SMAD6: variants seen among roughly 807,000 people sequenced by gnomAD.
SMAD6 encodes SMAD family member 6.
In SMAD6, 103 loss-of-function variants were observed where a neutral mutation model predicts 39.4. The observed-to-expected ratio is 2.62, with a 90% CI of 2.23 to 3.08. SMAD6 has a LOEUF of 3.08. SMAD6 is among the 30% of genes most tolerant of loss of function. The pLI is 0.00. For missense variants in SMAD6, 1,104 were observed against 742.9 expected (o/e 1.49, Z -5.65); for synonymous variants, 445 against 353.3 (o/e 1.26, Z -2.91).
At chr15:66,744,671 A>G (rs1893877216) in intron 3 of SMAD6, among the ~76,000 whole-genome samples, 1 of 152,224 alleles carries the variant, frequency 6.6e-6, no homozygotes, top group African/African-American at 2.4e-5. Flanking sequence ...GTGTTGTCAT[A>G]AATACTTGGC....
Position 66,703,271 on chromosome 15 carries a change from A to C in SMAD6, c.13A>C (p.Lys5Gln), listed in dbSNP as rs1333941859. 1.4e-6 allele frequency: 2 copies of C among 1,481,378 alleles called. No individual in the cohort carries two copies. The highest frequency in any genetic ancestry group is 1.8e-6 in the Non-Finnish European group (2 of 1,115,204). 91.8% of individuals were successfully genotyped at this position (1,481,378 alleles called of 1,614,324 possible). Residue 5 changes from lysine (K) to glutamine (Q), a missense_variant, in exon 1 of 4, where the codon AAA becomes CAA. Coordinates refer to ENST00000288840, the MANE Select transcript of SMAD6 (RefSeq NM_005585.5). MFRS[K>Q]RSGLVRRLWR... ...CAAAGGATATCGTATGTTCAGGTCC[A>C]AACGCTCGGGGCTGGTGCGGCGACT...
intron 1 of SMAD6, among the ~76,000 whole-genome samples, chr15:66,710,005 G>A (rs2140593878): frequency 6.6e-6 from 1 of 152,314 alleles, no homozygotes; most frequent in South Asian, 2.1e-4. Flanking sequence ...GTTCTGTGCA[G>A]GTGGTGTCCC....
intron 3 of SMAD6, among the ~76,000 whole-genome samples, chr15:66,758,536 T>C (rs1380626336): frequency 6.6e-6 from 1 of 152,198 alleles, no homozygotes; most frequent in Non-Finnish European, 1.5e-5. Context: ...GAGACAAGCC[T>C]GACCAACATG....
chr15:66,717,224 G>A, intron 3 of SMAD6: 1 of 981,992 alleles, frequency 1.0e-6, no homozygotes, highest in Non-Finnish European at 1.4e-6. Context: ...ATGGTGGCCT[G>A]GTGGCATGCT....
chr15:66,731,773 T>C (rs1893634404), intron 3 of SMAD6, among the ~76,000 whole-genome samples: 1 of 152,168 alleles, frequency 6.6e-6, no homozygotes, highest in South Asian at 2.1e-4. Context: ...TGGTTGAAAG[T>C]ACATATAACT....
At chr15:66,710,796 A>G (rs1022642069) in intron 1 of SMAD6, among the ~76,000 whole-genome samples, 2 of 144,276 alleles carry the variant, frequency 1.4e-5, no homozygotes, top group African/African-American at 5.1e-5. Context: ...TGAAACCCAA[A>G]GAAAAATATC....
intron 3 of SMAD6, among the ~76,000 whole-genome samples, chr15:66,751,981 A>G (rs1162554077): frequency 6.6e-6 from 1 of 151,110 alleles, no homozygotes; most frequent in Non-Finnish European, 1.5e-5. Context: ...CTGCTATGTA[A>G]GGTATGTTTT....
chr15:66,729,623 G>A (rs996107371), intron 3 of SMAD6, among the ~76,000 whole-genome samples: 1 of 152,204 alleles, frequency 6.6e-6, no homozygotes, highest in Non-Finnish European at 1.5e-5. Flanking sequence ...CCCTCTGACA[G>A]CGTGGACTCC....
At chr15:66,722,959 T>C (rs1362833583) in intron 3 of SMAD6, among the ~76,000 whole-genome samples, 1 of 152,202 alleles carries the variant, frequency 6.6e-6, no homozygotes, top group Admixed American at 6.5e-5. Flanking sequence ...CTCACCTCTC[T>C]AGTCTCAGTT....
At chr15:66,727,102 C>CT (rs35592663) in intron 3 of SMAD6, among the ~76,000 whole-genome samples, 228 of 141,342 alleles carry the variant, frequency 1.6e-3, no homozygotes, top group South Asian at 2.2e-3. Flanking sequence ...TCTTCTTCTT[C>CT]TTTTTTTTTT....
chr15:66,703,336 C>T lies in SMAD6; in HGVS notation c.78C>T (p.Gly26=), dbSNP rs1400871332. The T allele has an allele frequency of 3.4e-6, 5 of 1,484,632 alleles. No individual in the cohort carries two copies. In the East Asian group the frequency reaches 1.2e-4, roughly 35 times the overall value. 92.0% of individuals were successfully genotyped at this position (1,484,632 alleles called of 1,614,324 possible). A position where few individuals can be genotyped will look rare whatever the true frequency, so the allele number is the denominator to read the frequency against. ...TGGTCCCCGACCGGGAGGAAGGCGG[C>T]AGCGGCGGCGGCGGTGGCGGCGACG... ...SRVVPDREEG[G]SGGGGGGDED... Residue 26 remains glycine, a synonymous_variant, in exon 1 of 4, where the codon GGC becomes GGT. Coordinates refer to ENST00000288840, the MANE Select transcript of SMAD6 (RefSeq NM_005585.5).
intron 3 of SMAD6, among the ~76,000 whole-genome samples, chr15:66,744,829 G>A (rs917887968): frequency 9.2e-5 from 14 of 152,148 alleles, no homozygotes; most frequent in African/African-American, 3.1e-4. Context: ...AACTGGGTGG[G>A]GAGTCTGGGC....
chr15:66,745,921 C>T (rs1893899839), intron 3 of SMAD6, among the ~76,000 whole-genome samples: 1 of 152,174 alleles, frequency 6.6e-6, no homozygotes, highest in Non-Finnish European at 1.5e-5. Flanking sequence ...CCTGTGGTAC[C>T]CCCTCCCTCC....
chr15:66,722,776 G>T (rs1893456869), intron 3 of SMAD6, among the ~76,000 whole-genome samples: 1 of 152,072 alleles, frequency 6.6e-6, no homozygotes, highest in South Asian at 2.1e-4. Flanking sequence ...TGTGAGGGGG[G>T]GTCGGCAGGA....
Position 66,703,952 on chromosome 15 carries a change from T to C in SMAD6, c.694T>C (p.Trp232Arg), listed in dbSNP as rs1209746826. The C allele has an allele frequency of 3.5e-6, 5 of 1,408,820 alleles. No homozygotes were observed. Among genetic ancestry groups the C allele is most frequent in the Non-Finnish European group, 4.6e-6 (5 of 1,079,958 alleles). 87.3% of individuals were successfully genotyped at this position (1,408,820 alleles called of 1,614,324 possible). ...PQLLLGRLFR[W>R]PDLQHAVELK... ...GCTGCTGCTCGGCCGCCTCTTTCGC[T>C]GGCCCGACCTGCAGCACGCCGTGGA... The change falls in exon 1 of 4, where the codon TGG becomes CGG. Residue 232 changes from tryptophan (W) to arginine (R), a missense_variant. Physicochemically the swap from Trp to Arg is moderately radical, Grantham distance 101. Transcript: ENST00000288840.
chr15:66,764,075 G>A (rs1391545487), intron 3 of SMAD6, among the ~76,000 whole-genome samples: 1 of 152,250 alleles, frequency 6.6e-6, no homozygotes, highest in Admixed American at 6.5e-5. Flanking sequence ...AGTGGTGGGT[G>A]ATTGGAAAGG....
At chr15:66,776,576 G>C (rs1334038314) in intron 3 of SMAD6, among the ~76,000 whole-genome samples, 1 of 152,202 alleles carries the variant, frequency 6.6e-6, no homozygotes. Context: ...GGGCTCTCAA[G>C]TTCTGGCCCT....
chr15:66,734,011 C>T (rs116543287), intron 3 of SMAD6, among the ~76,000 whole-genome samples: 3,072 of 152,240 alleles, frequency 0.02, 92 homozygotes, highest in African/African-American at 0.065. Flanking sequence ...CTCCTGTGCC[C>T]GAGCTGGGGT....
chr15:66,703,284 T>C lies in SMAD6; in HGVS notation c.26T>C (p.Leu9Pro), dbSNP rs1893016336. 5 of 1,490,010 alleles carry C rather than the reference T, an allele frequency of 3.4e-6. No homozygotes were observed. Among genetic ancestry groups the C allele is most frequent in the Non-Finnish European group, 4.5e-6 (5 of 1,119,410 alleles). 92.3% of individuals were successfully genotyped at this position (1,490,010 alleles called of 1,614,324 possible). The stretch of plus-strand genomic sequence containing the variant: ...ATGTTCAGGTCCAAACGCTCGGGGC[T>C]GGTGCGGCGACTTTGGCGAAGTCGT... MFRSKRSGLVRRLWRSRVV... is the reference protein window; with the variant it reads MFRSKRSGPVRRLWRSRVV... The change falls in exon 1 of 4, where the codon CTG (leucine) becomes CCG (proline). Residue 9 changes from leucine to proline, a missense_variant. Physicochemically the swap from Leu to Pro is moderately conservative, Grantham distance 98. Transcript: ENST00000288840.
Sources: allele counts gnomAD v4.1 joint callset (sites outside exome capture counted in the v4.1 genomes callset), GRCh38; gene constraint gnomAD v4.1.1; transcripts MANE v1.5; gene names NCBI Gene and HGNC (gene_info 2026-07-23, HGNC 2026-07-21).